RNF41: variants seen among roughly 807,000 people sequenced by gnomAD.
The protein encoded by RNF41 is E3 ubiquitin-protein ligase NRDP1.
In RNF41, 4 loss-of-function variants were observed where a neutral mutation model predicts 33.0. The ratio of observed to expected loss-of-function variants is 0.12; its 90% CI spans 0.06 to 0.28. RNF41 has a LOEUF of 0.28. Among genes scored for constraint, RNF41 ranks in the 10% least tolerant of loss-of-function variants. The pLI, the probability that RNF41 is intolerant of heterozygous loss-of-function variation, is 1.00. For synonymous variants in RNF41, 164 were observed against 153.2 expected (o/e 1.07, Z -0.52); for missense variants, 228 against 432.6 (o/e 0.53, Z 4.19).
chr12:56,212,949 TC>T (rs1309704199), intron 3 of RNF41: 1 of 1,250,632 alleles, frequency 8.0e-7, no homozygotes, highest in East Asian at 5.6e-5. Flanking sequence ...GAGGATGCTG[TC>T]CCATGAATAC....
Position 56,204,374 on chromosome 12 carries a change from C to G in RNF41, c.*2073G>C, listed in dbSNP as rs1374057722. 6.6e-6 allele frequency: 1 copy of G among 152,106 alleles called. No homozygotes were observed. The highest frequency in any genetic ancestry group is 6.6e-5 in the Admixed American group (1 of 15,252). 9.4% of individuals were successfully genotyped at this position (152,106 alleles called of 1,614,324 possible). ...TGAAGTGCACACTACTCCCAGACAT[C>G]CTCCTGAAAGAGAAGTTAGCACTAA... On this transcript the variant is annotated 3_prime_UTR_variant, in exon 7 of 7. Transcript: ENST00000345093.
chr12:56,220,018 A>AAAAT (rs60851148), intron 1 of RNF41, among the ~76,000 whole-genome samples: 90,522 of 139,136 alleles, frequency 0.65, 32,726 homozygotes, highest in Non-Finnish European at 0.79. Flanking sequence ...CCCTGTCTCA[A>AAAAT]AAATAAATAA....
At position 56,210,370 on chromosome 12, in the gene RNF41, C is replaced by T; in HGVS notation, c.289G>A (p.Asp97Asn). Residue 97 changes from aspartate to asparagine, a missense_variant, in exon 4 of 7, where the codon GAC becomes AAC. Coordinates refer to ENST00000345093, the MANE Select transcript of RNF41 (RefSeq NM_005785.4). ...VFGCSAVVRL[D>N]NLMSHLSDCE... ...TCGCTGAGGTGAGACATGAGGTTGT[C>T]AAGCCGGACAACGGCACTACAGCCG... 2 of 1,614,166 alleles carry T rather than the reference C, an allele frequency of 1.2e-6. No individual in the cohort carries two copies. Among genetic ancestry groups the T allele is most frequent in the Non-Finnish European group, 1.7e-6 (2 of 1,180,026 alleles).
intron 2 of RNF41, among the ~76,000 whole-genome samples, chr12:56,215,501 A>ACC (rs1555228551): frequency 6.6e-6 from 1 of 151,230 alleles, no homozygotes; most frequent in Non-Finnish European, 1.5e-5. Flanking sequence ...CAGACGGATC[A>ACC]TGAGGTCAAG....
At chr12:56,210,014 A>G in intron 4 of RNF41, 1 of 428,538 alleles carries the variant, frequency 2.3e-6, no homozygotes, top group South Asian at 3.4e-5. Flanking sequence ...AACGGAAAGT[A>G]GTATTGGACT....
chr12:56,203,292 T>C lies in RNF41; in HGVS notation c.*3155A>G, dbSNP rs1385806842. The C allele has an allele frequency of 6.6e-6, 1 of 152,166 alleles. No individual in the cohort carries two copies. The highest frequency in any genetic ancestry group is 1.9e-4 in the East Asian group (1 of 5,198). 9.4% of individuals were successfully genotyped at this position (152,166 alleles called of 1,614,324 possible). A position where few individuals can be genotyped will look rare whatever the true frequency, so the allele number is the denominator to read the frequency against. ...TCCACCTCCCAGGTTCAAGCGATTC[T>C]TGTGCCTTAGCCTTCCAAGGAGCTG... On this transcript the variant is annotated 3_prime_UTR_variant, in exon 7 of 7. Transcript: ENST00000345093.
intron 1 of RNF41, among the ~76,000 whole-genome samples, chr12:56,220,598 G>A (rs1869315048): frequency 6.6e-6 from 1 of 151,878 alleles, no homozygotes; most frequent in African/African-American, 2.4e-5. Flanking sequence ...GCCAGGCATG[G>A]TGGCAGGTAC....
intron 1 of RNF41, among the ~76,000 whole-genome samples, chr12:56,221,344 G>C (rs1021110275): frequency 1.3e-5 from 2 of 152,134 alleles, no homozygotes; most frequent in African/African-American, 4.8e-5. Context: ...CATGGGAGAG[G>C]AGCCAAGCTA....
chr12:56,209,879 C>T (rs1417741315), intron 4 of RNF41, among the ~76,000 whole-genome samples: 1 of 152,208 alleles, frequency 6.6e-6, no homozygotes, highest in African/African-American at 2.4e-5. Flanking sequence ...GCTAGGATTA[C>T]AGGTGTGAGC....
chr12:56,211,835 G>A (rs1868503345), intron 3 of RNF41, among the ~76,000 whole-genome samples: 1 of 152,160 alleles, frequency 6.6e-6, no homozygotes, highest in Non-Finnish European at 1.5e-5. Context: ...AGCCGGGCGT[G>A]GTGGCGGGTG....
At position 56,206,978 on chromosome 12, in the gene RNF41, CAT is replaced by C. The variant is rs544482724; in HGVS notation, c.603-182_603-181del. ...CCACTTGGTCCCAACTGAGTCACCA[CAT>C]GTTACTCACCAGATTAAATTCCACA... On this transcript the variant is annotated intron_variant, in intron 6 of 6. Coordinates refer to ENST00000345093, the MANE Select transcript of RNF41 (RefSeq NM_005785.4). The surrounding 1 kb of genome is among the most constrained non-coding windows in gnomAD (Gnocchi z 5.7). Among the ~76,000 whole-genome samples the C allele has an allele frequency of 8.5e-5, 13 of 152,344 alleles. No individual in the cohort carries two copies. The highest frequency in any genetic ancestry group is 4.1e-4 in the South Asian group (2 of 4,830).
rs1470731965 is a variant in RNF41, at chr12:56,206,987, C to T, written c.603-189G>A. ...CCCAACTGAGTCACCACATGTTACTCACCAGATTAAATTCCACAAGTCTGC... is the reference window on the plus strand; with the variant it reads ...CCCAACTGAGTCACCACATGTTACTTACCAGATTAAATTCCACAAGTCTGC... On this transcript the variant is annotated intron_variant, in intron 6 of 6. Coordinates refer to ENST00000345093, the MANE Select transcript of RNF41 (RefSeq NM_005785.4). This position sits in a 1 kb window ranked among gnomAD's most constrained non-coding sequence, Gnocchi z 5.7. Among the ~76,000 whole-genome samples, 2 of 152,198 alleles carry T rather than the reference C, an allele frequency of 1.3e-5. No homozygotes were observed. The highest frequency in any genetic ancestry group is 2.9e-5 in the Non-Finnish European group (2 of 68,030).
At chr12:56,213,575 A>C (rs1410481437) in intron 3 of RNF41, among the ~76,000 whole-genome samples, 1 of 152,178 alleles carries the variant, frequency 6.6e-6, no homozygotes. Context: ...ATAAAAATGC[A>C]GAGAGAACTT....
At chr12:56,217,504 C>T (rs886778980) in intron 1 of RNF41, among the ~76,000 whole-genome samples, 1 of 151,902 alleles carries the variant, frequency 6.6e-6, no homozygotes, top group Admixed American at 6.6e-5. Flanking sequence ...GCCAAGATCG[C>T]GCCACTGCAC....
intron 6 of RNF41, chr12:56,207,320 G>A: frequency 3.0e-6 from 4 of 1,316,012 alleles, no homozygotes; most frequent in South Asian, 1.2e-5. Flanking sequence ...CCTGAAGACA[G>A]GACGATATCT....
rs1230610320 is a variant in RNF41 at position 56,207,635 on chromosome 12, G to C, written c.602+11C>G. On this transcript the variant is annotated intron_variant, in intron 6 of 6. Coordinates refer to ENST00000345093, the MANE Select transcript of RNF41 (RefSeq NM_005785.4). ...GACATGAAATCACTCCACGTCCTGA[G>C]TGACACTCACTCTAGGATCTCGTTG... 1.3e-6 allele frequency: 2 copies of C among 1,586,416 alleles called. No individual in the cohort carries two copies. The highest frequency in any genetic ancestry group is 1.1e-5 in the South Asian group (1 of 90,538).
intron 1 of RNF41, among the ~76,000 whole-genome samples, chr12:56,219,676 C>T (rs1243461766): frequency 1.0e-3 from 152 of 151,762 alleles, no homozygotes; most frequent in Non-Finnish European, 1.5e-3. Flanking sequence ...TATATACACG[C>T]GCGCACCCCT....
At chr12:56,218,687 C>T (rs1378469472) in intron 1 of RNF41, among the ~76,000 whole-genome samples, 1 of 148,496 alleles carries the variant, frequency 6.7e-6, no homozygotes, top group African/African-American at 2.5e-5. Flanking sequence ...ATAATATATA[C>T]ATATTTATTA....
intron 1 of RNF41, among the ~76,000 whole-genome samples, chr12:56,217,057 G>C (rs949895340): frequency 6.6e-6 from 1 of 151,070 alleles, no homozygotes; most frequent in South Asian, 2.1e-4. Context: ...GGAGAATGGC[G>C]TGAACCTAGG....
Sources: allele counts gnomAD v4.1 joint callset (sites outside exome capture counted in the v4.1 genomes callset), GRCh38; gene constraint gnomAD v4.1.1; non-coding constraint Gnocchi (gnomAD v3.1); transcripts MANE v1.5; gene names NCBI Gene and HGNC (gene_info 2026-07-23, HGNC 2026-07-21).